TYW1B: variants seen among roughly 807,000 people sequenced by gnomAD.
TYW1B encodes the protein S-adenosyl-L-methionine-dependent tRNA 4-demethylwyosine synthase TYW1B.
TYW1B carries 73 observed loss-of-function variants against 86.9 expected under a neutral mutation model. That is an observed-to-expected ratio of 0.84 (90% CI 0.70 to 1.02). The LOEUF (loss-of-function observed/expected upper bound fraction) is 1.02. TYW1B is among the 50% of genes least tolerant of loss of function. The pLI is 0.00. For synonymous variants in TYW1B, 248 were observed against 292.8 expected (o/e 0.85, Z 1.56); for missense variants, 637 against 827.4 (o/e 0.77, Z 2.82).
intron 13 of TYW1B, among the ~76,000 whole-genome samples, chr7:72,616,016 TATA>T (rs1351751837): frequency 6.6e-6 from 1 of 152,110 alleles, no homozygotes; most frequent in Non-Finnish European, 1.5e-5. Context: ...GAGGAGAACA[TATA>T]ATGAGAAAGA....
chr7:72,623,666 C>T (rs1413896632), intron 12 of TYW1B, among the ~76,000 whole-genome samples: 1 of 152,110 alleles, frequency 6.6e-6, no homozygotes, highest in East Asian at 1.9e-4. Flanking sequence ...TATGCACCTT[C>T]CCAAACGTAT....
At chr7:72,698,808 C>T (rs1814387687) in intron 10 of TYW1B, among the ~76,000 whole-genome samples, 1 of 152,144 alleles carries the variant, frequency 6.6e-6, no homozygotes, top group Non-Finnish European at 1.5e-5. Flanking sequence ...ATGTAACAAA[C>T]AGTATTCCAT....
At chr7:72,627,830 T>C (rs1445810133) in intron 12 of TYW1B, among the ~76,000 whole-genome samples, 1 of 152,074 alleles carries the variant, frequency 6.6e-6, no homozygotes, top group Admixed American at 6.6e-5. Flanking sequence ...AAACATGCAA[T>C]CAACAAAATC....
intron 8 of TYW1B, among the ~76,000 whole-genome samples, chr7:72,735,172 A>G (rs1787176451): frequency 6.6e-6 from 1 of 152,220 alleles, no homozygotes; most frequent in South Asian, 2.1e-4. Flanking sequence ...TTGCAGCACT[A>G]TTCACAATCG....
At chr7:72,637,286 C>T (rs1554440899) in intron 11 of TYW1B, among the ~76,000 whole-genome samples, 2 of 151,110 alleles carry the variant, frequency 1.3e-5, no homozygotes, top group East Asian at 1.9e-4. Flanking sequence ...TTCCTTTGGA[C>T]GAGGTTTTAA....
intron 8 of TYW1B, among the ~76,000 whole-genome samples, chr7:72,735,569 T>TA (rs1169710498): frequency 0.09 from 10,626 of 118,526 alleles, 552 homozygotes; most frequent in African/African-American, 0.15. Flanking sequence ...GACTCTGCCT[T>TA]AAAAAAAAAA....
chr7:72,812,224 A>T (rs1402568228), intron 3 of TYW1B, among the ~76,000 whole-genome samples: 1 of 151,788 alleles, frequency 6.6e-6, no homozygotes, highest in Non-Finnish European at 1.5e-5. Context: ...TGTTTCATAT[A>T]CACCTTACAC....
chr7:72,702,537 G>A (rs575009279), intron 10 of TYW1B, among the ~76,000 whole-genome samples: 7 of 151,934 alleles, frequency 4.6e-5, no homozygotes, highest in South Asian at 4.2e-4. Context: ...ACAGGTGCCC[G>A]CCACCACACC....
chr7:72,603,365 C>T (rs1167441676), intron 13 of TYW1B, among the ~76,000 whole-genome samples: 20 of 150,916 alleles, frequency 1.3e-4, no homozygotes, highest in Admixed American at 6.6e-4. Flanking sequence ...GACGAATGGA[C>T]GGATAGACAG....
At chr7:72,790,735 G>A (rs1554473237) in intron 6 of TYW1B, among the ~76,000 whole-genome samples, 1 of 152,150 alleles carries the variant, frequency 6.6e-6, no homozygotes, top group East Asian at 1.9e-4. Flanking sequence ...TCTTCTCTTT[G>A]GCCATCTCAA....
At chr7:72,602,904 G>A (rs1278221192) in intron 13 of TYW1B, among the ~76,000 whole-genome samples, 3 of 146,832 alleles carry the variant, frequency 2.0e-5, no homozygotes, top group Non-Finnish European at 4.5e-5. Flanking sequence ...TGGGGTTATG[G>A]CAAAGTAACA....
At chr7:72,583,876 T>C (rs1343654769) in intron 13 of TYW1B, among the ~76,000 whole-genome samples, 2 of 152,226 alleles carry the variant, frequency 1.3e-5, no homozygotes, top group African/African-American at 4.8e-5. Context: ...ATAGATGTGC[T>C]TAGGCCATAT....
intron 11 of TYW1B, among the ~76,000 whole-genome samples, chr7:72,637,119 C>T (rs1295228719): frequency 6.6e-6 from 1 of 151,850 alleles, no homozygotes; most frequent in East Asian, 1.9e-4. Context: ...AGCAAAACTC[C>T]ATCTCAAAAA....
chr7:72,605,677 C>A (rs1220249546), intron 13 of TYW1B, among the ~76,000 whole-genome samples: 14 of 152,104 alleles, frequency 9.2e-5, no homozygotes, highest in African/African-American at 3.4e-4. Context: ...AACACTAGTA[C>A]CCTTAGAGTA....
chr7:72,601,813 T>C (rs6974871), intron 13 of TYW1B, among the ~76,000 whole-genome samples: 13,990 of 148,804 alleles, frequency 0.094, 809 homozygotes, highest in African/African-American at 0.16. Flanking sequence ...CTACATAGTA[T>C]ATACTTCCCA....
rs371249885 is a variant in TYW1B at position 72,816,116 on chromosome 7, A to C, written c.136-635T>G. 2.0e-5 allele frequency among the ~76,000 whole-genome samples: 3 copies of C among 152,254 alleles called. No homozygotes were observed. In the South Asian group the frequency reaches 6.2e-4, roughly 32 times the overall value. On this transcript the variant is annotated intron_variant, in intron 2 of 13. Transcript: ENST00000620995. ...AATGGGCTGGGCACAGTGGCTCACA[A>C]CTGTAATCCCAGTACCTTGGGAGGC...
In TYW1B at chr7:72,810,662, T is replaced by C; in HGVS notation, c.241A>G (p.Thr81Ala). 3.1e-6 allele frequency: 5 copies of C among 1,601,532 alleles called. No homozygotes were observed. The highest frequency in any genetic ancestry group is 4.3e-6 in the Non-Finnish European group (5 of 1,173,096). ...AGGAAGACACAGACATTTTTACTAGTCACCTAACCAAGAAAGTAATTGTTT... is the reference window on the plus strand; with the variant it reads ...AGGAAGACACAGACATTTTTACTAGCCACCTAACCAAGAAAGTAATTGTTT... Reference protein sequence around the residue: ...DPDDHLIEEVTSKNVCVFLVA... With the variant: ...DPDDHLIEEVASKNVCVFLVA... Residue 81 changes from threonine to alanine, a missense_variant, in exon 4 of 14, where the codon ACT (threonine) becomes GCT (alanine). Transcript: ENST00000620995.
rs565333577 is a variant in TYW1B at position 72,713,787 on chromosome 7, C to T, written c.1204G>A (p.Val402Ile). The T allele has an allele frequency of 2.4e-5, 38 of 1,583,514 alleles. No homozygotes were observed. The East Asian group carries it at 3.8e-4, about 16-fold the overall frequency. Residue 402 changes from valine to isoleucine, a missense_variant, in exon 10 of 14, where the codon GTC (valine) becomes ATC (isoleucine). By Grantham distance (29) the Val-to-Ile change is conservative. Coordinates refer to ENST00000620995, the MANE Select transcript of TYW1B (RefSeq NM_001145440.3). ...CCTTCTTCAAAGCGTTCTGCTTTGA[C>T]GCCCGGTACTCCTGGAGAATACAGT... Reference protein sequence around the residue: ...MIKQFKGVPGVKAERFEEGMT... With the variant: ...MIKQFKGVPGIKAERFEEGMT...
chr7:72,676,655 A>C (rs1285922015), intron 11 of TYW1B, among the ~76,000 whole-genome samples: 1 of 152,104 alleles, frequency 6.6e-6, no homozygotes, highest in Non-Finnish European at 1.5e-5. Context: ...TAAACCATAA[A>C]GGCTTTAAAA....
Sources: allele counts gnomAD v4.1 joint callset (sites outside exome capture counted in the v4.1 genomes callset), GRCh38; gene constraint gnomAD v4.1.1; transcripts MANE v1.5; gene names NCBI Gene and HGNC (gene_info 2026-07-23, HGNC 2026-07-21).